MUC17: variants seen among roughly 807,000 people sequenced by gnomAD.
The protein encoded by MUC17 is mucin-17.
In MUC17, 190 loss-of-function variants were observed where a neutral mutation model predicts 170.3. The ratio of observed to expected loss-of-function variants is 1.12; its 90% CI spans 0.99 to 1.26. MUC17 has a LOEUF of 1.26. Among genes scored for constraint, MUC17 ranks in the 50% most tolerant of loss-of-function variants. The pLI, the probability that MUC17 is intolerant of heterozygous loss-of-function variation, is 0.00. For synonymous variants in MUC17, 2,325 were observed against 2,002.5 expected (o/e 1.16, Z -4.30); for missense variants, 6,415 against 5,530.0 (o/e 1.16, Z -5.08).
In MUC17 at chr7:101,033,510, A is replaced by C; in HGVS notation, c.2094A>C (p.Thr698=). The stretch of plus-strand genomic sequence containing the variant: ...TAACAAGTATGCCTGTCAACACCAC[A>C]CTGGTGGCCAGTTCTGAGGCTAGCA... The part of the protein sequence containing the change: ...TPLTSMPVNT[T]LVASSEASTL... The change falls in exon 3 of 13, where the codon ACA becomes ACC. Residue 698 remains threonine (T), a synonymous_variant. Transcript: ENST00000306151. The C allele has an allele frequency of 6.2e-7, 1 of 1,610,632 alleles. No individual in the cohort carries two copies. Among genetic ancestry groups the C allele is most frequent in the South Asian group, 1.1e-5 (1 of 90,862 alleles).
In MUC17 at chr7:101,033,487, A is replaced by G. The variant is rs766785930; in HGVS notation, c.2071A>G (p.Thr691Ala). The G allele has an allele frequency of 6.8e-6, 11 of 1,613,792 alleles. No homozygotes were observed. The highest frequency in any genetic ancestry group is 9.3e-6 in the Non-Finnish European group (11 of 1,179,900). The change falls in exon 3 of 13, where the codon ACA (threonine) becomes GCA (alanine). Residue 691 changes from threonine (T) to alanine (A), a missense_variant. Transcript: ENST00000306151. ...STYTEGSTPL[T>A]SMPVNTTLVA... ...TTATACTGAAGGAAGCACTCCATTA[A>G]CAAGTATGCCTGTCAACACCACACT...
chr7:101,032,571 C>T lies in MUC17; in HGVS notation c.1155C>T (p.Thr385=). Residue 385 remains threonine (T), a synonymous_variant, in exon 3 of 13, where the codon ACC becomes ACT. Transcript: ENST00000306151. ...PTTAEATSML[T]STLSEGSTPL... ...CTGCTGAAGCTACCAGCATGCTAAC[C>T]TCAACTCTTAGTGAAGGAAGCACTC... is the stretch of plus-strand genomic sequence containing the variant. 6.2e-7 allele frequency: 1 copy of T among 1,614,016 alleles called. No individual in the cohort carries two copies. Among genetic ancestry groups the T allele is most frequent in the Non-Finnish European group, 8.5e-7 (1 of 1,179,998 alleles).
At chr7:101,046,781 AAAT>A (rs1402763570) in intron 3 of MUC17, among the ~76,000 whole-genome samples, 1 of 152,042 alleles carries the variant, frequency 6.6e-6, no homozygotes, top group African/African-American at 2.4e-5. Flanking sequence ...CTGTCTCAAA[AAAT>A]AATAATAATA....
Position 101,034,845 on chromosome 7 carries a change from A to T in MUC17, c.3429A>T (p.Thr1143=). ...TTSTEASSSP[T]TAEGTSIPTS... ...CTACTGAAGCCAGTTCATCTCCTACAACTGCTGAAGGTACCAGCATACCAA... is the reference window on the plus strand; with the variant it reads ...CTACTGAAGCCAGTTCATCTCCTACTACTGCTGAAGGTACCAGCATACCAA... The change falls in exon 3 of 13, where the codon ACA becomes ACT. Residue 1143 remains threonine, a synonymous_variant. Coordinates refer to ENST00000306151, the MANE Select transcript of MUC17 (RefSeq NM_001040105.2). 1 of 1,611,554 alleles carries T rather than the reference A, an allele frequency of 6.2e-7. No homozygotes were observed. The highest frequency in any genetic ancestry group is 8.5e-7 in the Non-Finnish European group (1 of 1,179,132).
Position 101,037,206 on chromosome 7 carries a change from T to C in MUC17, c.5790T>C (p.Ser1930=), listed in dbSNP as rs1484221640. 2 of 1,612,864 alleles carry C rather than the reference T, an allele frequency of 1.2e-6. No individual in the cohort carries two copies. Among genetic ancestry groups the C allele is most frequent in the Non-Finnish European group, 1.7e-6 (2 of 1,179,390 alleles). The change falls in exon 3 of 13, where the codon AGT becomes AGC. Residue 1930 remains serine (S), a synonymous_variant. Coordinates refer to ENST00000306151, the MANE Select transcript of MUC17 (RefSeq NM_001040105.2). The stretch of plus-strand genomic sequence containing the variant: ...GGGAAGGAAGGCCTCCATTAACAAG[T>C]ATACCTGTCAGCACCACAACAGTGG... ...TPREGRPPLT[S]IPVSTTTVAS... is the part of the protein sequence containing the mutation.
intron 4 of MUC17, 149 bp from the exon 5 acceptor site, chr7:101,048,696 T>A: frequency 7.4e-6 from 5 of 676,444 alleles, no homozygotes; most frequent in Non-Finnish European, 9.7e-6. Context: ...GAAAAGGAAA[T>A]AAAACAAGAA....
chr7:101,035,734 G>T lies in MUC17; in HGVS notation c.4318G>T (p.Ala1440Ser), dbSNP rs796436659. 1 of 1,610,088 alleles carries T rather than the reference G, an allele frequency of 6.2e-7. No homozygotes were observed. Among genetic ancestry groups the T allele is most frequent in the Non-Finnish European group, 8.5e-7 (1 of 1,177,874 alleles). ...SAEATSSPTTAEGISIPTSTP... is the reference protein window; with the variant it reads ...SAEATSSPTTSEGISIPTSTP... ...TGAAGCCACTTCATCTCCTACAACT[G>T]CTGAAGGTATCAGCATACCAACCTC... The change falls in exon 3 of 13, where the codon GCT (alanine) becomes TCT (serine). Residue 1440 changes from alanine to serine, a missense_variant. Physicochemically the swap from Ala to Ser is moderately conservative, Grantham distance 99. Transcript: ENST00000306151.
In MUC17 at chr7:101,042,754, T is replaced by G. The variant is rs760303818; in HGVS notation, c.11338T>G (p.Tyr3780Asp). ...TAGCACCCCTTCCATACCATCTGTT[T>G]ACACCAGCATGTCTATGACCACTGC... ...ESSTPSIPSVYTSMSMTTASE... is the reference protein window; with the variant it reads ...ESSTPSIPSVDTSMSMTTASE... Residue 3780 changes from tyrosine to aspartate, a missense_variant, in exon 3 of 13, where the codon TAC becomes GAC. Transcript: ENST00000306151. 7 of 1,613,940 alleles carry G rather than the reference T, an allele frequency of 4.3e-6. No homozygotes were observed. In the Admixed American group the frequency reaches 1.0e-4, roughly 23 times the overall value.
chr7:101,038,321 C>A lies in MUC17; in HGVS notation c.6905C>A (p.Thr2302Asn), dbSNP rs1318425805. Reference sequence around the variant, plus strand: ...TCTGAGGTTAGCACCCTTTCAACAACTCCTGTTGACTCCAACACTCCTTTC... The same window carrying A: ...TCTGAGGTTAGCACCCTTTCAACAAATCCTGTTGACTCCAACACTCCTTTC... ...ANSEVSTLSTTPVDSNTPFTT... is the reference protein window; with the variant it reads ...ANSEVSTLSTNPVDSNTPFTT... The change falls in exon 3 of 13, where the codon ACT (threonine) becomes AAT (asparagine). Residue 2302 changes from threonine to asparagine, a missense_variant. By Grantham distance (65) the Thr-to-Asn change is moderately conservative. Coordinates refer to ENST00000306151, the MANE Select transcript of MUC17 (RefSeq NM_001040105.2). The A allele has an allele frequency of 6.2e-7, 1 of 1,613,588 alleles. No homozygotes were observed. The highest frequency in any genetic ancestry group is 2.2e-5 in the East Asian group (1 of 44,866).
rs1365157181 is a variant in MUC17 at position 101,042,884 on chromosome 7, C to A, written c.11468C>A (p.Pro3823His). The A allele has an allele frequency of 6.2e-7, 1 of 1,614,086 alleles. No individual in the cohort carries two copies. The highest frequency in any genetic ancestry group is 1.1e-5 in the South Asian group (1 of 91,078). Reference sequence around the variant, plus strand: ...TTATTGACAACTGTCCTCATCAGCCCTATATCTGTGATGAGTCCTTCTGAG... The same window carrying A: ...TTATTGACAACTGTCCTCATCAGCCATATATCTGTGATGAGTCCTTCTGAG... ...STLLTTVLIS[P>H]ISVMSPSEAS... Residue 3823 changes from proline (P) to histidine (H), a missense_variant, in exon 3 of 13, where the codon CCT (proline) becomes CAT (histidine). Transcript: ENST00000306151.
chr7:101,045,368 C>T (rs564805926), intron 3 of MUC17, among the ~76,000 whole-genome samples: 1 of 151,744 alleles, frequency 6.6e-6, no homozygotes, highest in African/African-American at 2.4e-5. Context: ...TCTACTTTGC[C>T]TGAACTTTTT....
At chr7:101,022,766 T>A (rs1316459929) in intron 1 of MUC17, among the ~76,000 whole-genome samples, 1 of 151,888 alleles carries the variant, frequency 6.6e-6, no homozygotes, top group East Asian at 1.9e-4. Context: ...CAGTGAGCTG[T>A]GATTGCACTA....
At position 101,037,983 on chromosome 7, in the gene MUC17, C is replaced by A; in HGVS notation, c.6567C>A (p.Ser2189Arg). ...TTTCAACAACTCCTGTTGACACCAG[C>A]ACACCTGTGACCAATTCTACTGAAG... is the stretch of plus-strand genomic sequence containing the variant. Reference protein sequence around the residue: ...STLSTTPVDTSTPVTNSTEAR... With the variant: ...STLSTTPVDTRTPVTNSTEAR... Residue 2189 changes from serine (S) to arginine (R), a missense_variant, in exon 3 of 13, where the codon AGC (serine) becomes AGA (arginine). Ser to Arg is a moderately radical substitution (Grantham distance 110). Coordinates refer to ENST00000306151, the MANE Select transcript of MUC17 (RefSeq NM_001040105.2). The A allele has an allele frequency of 6.2e-7, 1 of 1,608,452 alleles. No individual in the cohort carries two copies. The highest frequency in any genetic ancestry group is 8.5e-7 in the Non-Finnish European group (1 of 1,176,892).
At position 101,032,825 on chromosome 7, in the gene MUC17, G is replaced by A; in HGVS notation, c.1409G>A (p.Ser470Asn). 1.2e-6 allele frequency: 2 copies of A among 1,613,956 alleles called. No individual in the cohort carries two copies. Among genetic ancestry groups the A allele is most frequent in the Admixed American group, 1.7e-5 (1 of 60,010 alleles). ...STTPVASSEASNLSTTPVDSK... is the reference protein window; with the variant it reads ...STTPVASSEANNLSTTPVDSK... ...ACTCCAGTGGCCAGTTCTGAGGCTA[G>A]CAACCTTTCAACAACTCCTGTTGAC... Residue 470 changes from serine (S) to asparagine (N), a missense_variant, in exon 3 of 13, where the codon AGC becomes AAC. Coordinates refer to ENST00000306151, the MANE Select transcript of MUC17 (RefSeq NM_001040105.2).
chr7:101,031,973 C>T lies in MUC17; in HGVS notation c.557C>T (p.Thr186Ile), dbSNP rs1562803320. Residue 186 changes from threonine (T) to isoleucine (I), a missense_variant, in exon 3 of 13, where the codon ACA (threonine) becomes ATA (isoleucine). Coordinates refer to ENST00000306151, the MANE Select transcript of MUC17 (RefSeq NM_001040105.2). ...TTAACATATAAGGTTGATATGAGCA[C>T]ACCTCTGACCACTTCTACTCAGGCA... ...TSLTYKVDMS[T>I]PLTTSTQASS... is the part of the protein sequence containing the mutation. 6.8e-6 allele frequency: 11 copies of T among 1,614,146 alleles called. No individual in the cohort carries two copies. The highest frequency in any genetic ancestry group is 1.3e-5 in the African/African-American group (1 of 75,054).
chr7:101,051,875 G>A lies in MUC17; in HGVS notation c.13016G>A (p.Cys4339Tyr). 6.2e-7 allele frequency: 1 copy of A among 1,614,206 alleles called. No homozygotes were observed. Among genetic ancestry groups the A allele is most frequent in the South Asian group, 1.1e-5 (1 of 91,084 alleles). The change falls in exon 9 of 13, where the codon TGC (cysteine) becomes TAC (tyrosine). Residue 4339 changes from cysteine (C) to tyrosine (Y), a missense_variant. Physicochemically the swap from Cys to Tyr is radical, Grantham distance 194 (BLOSUM62 -2). Transcript: ENST00000306151. The part of the protein sequence containing the change: ...VVEYRDQKPY[C>Y]ISPCEPGFSV... ...GAGTACCGGGACCAGAAGCCATACT[G>A]CATCAGCCCCTGTGAGCCTGGCTTC...
In MUC17 at chr7:101,041,686, G is replaced by A. The variant is rs1794709578; in HGVS notation, c.10270G>A (p.Val3424Met). ...SEVNTLSTTP[V>M]DSNTLVTTST... ...GGTTAACACCCTTTCAACAACTCCTGTGGACTCCAACACTCTGGTGACCAC... is the reference window on the plus strand; with the variant it reads ...GGTTAACACCCTTTCAACAACTCCTATGGACTCCAACACTCTGGTGACCAC... Residue 3424 changes from valine (V) to methionine (M), a missense_variant, in exon 3 of 13, where the codon GTG (valine) becomes ATG (methionine). Coordinates refer to ENST00000306151, the MANE Select transcript of MUC17 (RefSeq NM_001040105.2). The A allele has an allele frequency of 6.2e-7, 1 of 1,613,826 alleles. No homozygotes were observed. The highest frequency in any genetic ancestry group is 8.5e-7 in the Non-Finnish European group (1 of 1,179,980).
chr7:101,046,841 A>G (rs1794850834), intron 3 of MUC17, among the ~76,000 whole-genome samples: 2 of 152,102 alleles, frequency 1.3e-5, no homozygotes, highest in Admixed American at 1.3e-4. Flanking sequence ...GCACTTTGGG[A>G]GGCTGAGGTG....
chr7:101,049,285 G>T (rs1347580633), intron 5 of MUC17, 39 bp from the exon 6 acceptor site: 6 of 1,613,766 alleles, frequency 3.7e-6, no homozygotes, highest in Non-Finnish European at 4.2e-6. Flanking sequence ...ACGGCCCCGT[G>T]GTCCCTCTGG....
Sources: allele counts gnomAD v4.1 joint callset (sites outside exome capture counted in the v4.1 genomes callset), GRCh38; gene constraint gnomAD v4.1.1; transcripts MANE v1.5; gene names NCBI Gene and HGNC (gene_info 2026-07-23, HGNC 2026-07-21).